Variants in BTBD9 observed in about 807,000 individuals in gnomAD.
The protein encoded by BTBD9 is BTB/POZ domain-containing protein 9.
BTBD9 carries 49 observed loss-of-function variants against 64.3 expected under a neutral mutation model. The observed-to-expected ratio is 0.76, with a 90% CI of 0.61 to 0.97. BTBD9 has a LOEUF of 0.97. Among genes scored for constraint, BTBD9 ranks in the 50% least tolerant of loss-of-function variants. The pLI is 0.00. For missense variants in BTBD9, 598 were observed against 762.1 expected (o/e 0.78, Z 2.53); for synonymous variants, 260 against 274.7 (o/e 0.95, Z 0.53).
intron 8 of BTBD9, among the ~76,000 whole-genome samples, chr6:38,266,678 G>GAAAGAAAGA (rs138593243): frequency 4.5e-5 from 6 of 133,012 alleles, no homozygotes; most frequent in Non-Finnish European, 7.9e-5. Context: ...AAGAAAGAAA[G>GAAAGAAAGA]AAGAAAAAGA....
intron 6 of BTBD9, among the ~76,000 whole-genome samples, chr6:38,450,937 CA>C (rs1466488514): frequency 1.3e-5 from 2 of 152,098 alleles, no homozygotes; most frequent in Non-Finnish European, 2.9e-5. Context: ...CTGGGCTGTC[CA>C]AATAGTTTCC....
chr6:38,511,339 CCTTT>C, intron 6 of BTBD9, among the ~76,000 whole-genome samples: 1 of 132,428 alleles, frequency 7.6e-6, no homozygotes, highest in African/African-American at 2.6e-5. Flanking sequence ...TTTGGAAATG[CCTTT>C]TTTTTTTTTT....
intron 6 of BTBD9, among the ~76,000 whole-genome samples, chr6:38,400,834 T>G (rs1447324642): frequency 6.6e-6 from 1 of 152,250 alleles, no homozygotes; most frequent in Non-Finnish European, 1.5e-5. Flanking sequence ...TGGTCTAGGT[T>G]AGGAATTCTC....
chr6:38,463,453 C>T (rs1770197261), intron 6 of BTBD9, among the ~76,000 whole-genome samples: 1 of 152,200 alleles, frequency 6.6e-6, no homozygotes, highest in South Asian at 2.1e-4. Flanking sequence ...CCAACATAGT[C>T]CTGACGTTAG....
At chr6:38,323,763 C>G (rs1400784094) in intron 7 of BTBD9, among the ~76,000 whole-genome samples, 1 of 152,156 alleles carries the variant, frequency 6.6e-6, no homozygotes, top group Non-Finnish European at 1.5e-5. Context: ...AAGAATCTCA[C>G]AAGCATGTGA....
chr6:38,519,306 T>C (rs1393258930), intron 6 of BTBD9, among the ~76,000 whole-genome samples: 1 of 152,220 alleles, frequency 6.6e-6, no homozygotes, highest in Non-Finnish European at 1.5e-5. Flanking sequence ...GTGCATTTCT[T>C]TGTAAATTTT....
At chr6:38,236,303 T>C (rs1332686173) in intron 9 of BTBD9, among the ~76,000 whole-genome samples, 1 of 152,166 alleles carries the variant, frequency 6.6e-6, no homozygotes, top group Non-Finnish European at 1.5e-5. Context: ...GAGCTCCCAT[T>C]TCCCACTTTA....
At chr6:38,347,747 A>G (rs566578668) in intron 6 of BTBD9, among the ~76,000 whole-genome samples, 2 of 152,288 alleles carry the variant, frequency 1.3e-5, no homozygotes, top group South Asian at 2.1e-4. Context: ...CTGTAATCCC[A>G]CCACATTGGG....
intron 9 of BTBD9, among the ~76,000 whole-genome samples, chr6:38,193,200 G>A (rs1296565851): frequency 2.6e-5 from 4 of 152,174 alleles, no homozygotes; most frequent in Admixed American, 6.5e-5. Context: ...CATCAGATGC[G>A]CATCTGAGCG....
chr6:38,526,892 A>G (rs1186501498), intron 6 of BTBD9, among the ~76,000 whole-genome samples: 1 of 152,144 alleles, frequency 6.6e-6, no homozygotes, highest in East Asian at 1.9e-4. Flanking sequence ...CTCAGATGAG[A>G]CTTTGGATTA....
intron 6 of BTBD9, among the ~76,000 whole-genome samples, chr6:38,374,316 T>TATATATATATATATATAC (rs1562095814): frequency 8.6e-5 from 10 of 116,326 alleles, no homozygotes; most frequent in African/African-American, 3.2e-4. Context: ...TGTATATATA[T>TATATATATATATATATAC]ATATATATAT....
chr6:38,328,371 T>C (rs1763521163), intron 7 of BTBD9, among the ~76,000 whole-genome samples: 1 of 152,066 alleles, frequency 6.6e-6, no homozygotes, highest in Non-Finnish European at 1.5e-5. Flanking sequence ...GATGTCCTTA[T>C]AAGAAGAGGA....
At chr6:38,451,797 T>C (rs1276337557) in intron 6 of BTBD9, among the ~76,000 whole-genome samples, 2 of 152,118 alleles carry the variant, frequency 1.3e-5, no homozygotes, top group Non-Finnish European at 2.9e-5. Context: ...AACCATCAAA[T>C]TTCTAATAAT....
chr6:38,331,853 T>C (rs1346653521), intron 7 of BTBD9, among the ~76,000 whole-genome samples: 1 of 152,148 alleles, frequency 6.6e-6, no homozygotes, highest in East Asian at 1.9e-4. Flanking sequence ...AGACCCTCTC[T>C]TGGAAAAAAA....
At chr6:38,462,548 A>G (rs1361806372) in intron 6 of BTBD9, among the ~76,000 whole-genome samples, 3 of 152,178 alleles carry the variant, frequency 2.0e-5, no homozygotes, top group Non-Finnish European at 4.4e-5. Context: ...GGTTTATAAT[A>G]TATCTTAAAG....
At chr6:38,449,528 C>G (rs546601124) in intron 6 of BTBD9, among the ~76,000 whole-genome samples, 34 of 139,168 alleles carry the variant, frequency 2.4e-4, no homozygotes, top group African/African-American at 8.0e-4. Flanking sequence ...AAAGGGCAGT[C>G]TCTTAAAAAA....
intron 6 of BTBD9, among the ~76,000 whole-genome samples, chr6:38,499,733 A>C (rs9470891): frequency 0.28 from 43,002 of 152,146 alleles, 6,454 homozygotes; most frequent in Non-Finnish European, 0.35. Context: ...AAAACACCAT[A>C]GATTATTTCC....
chr6:38,211,293 G>C (rs1351314722), intron 9 of BTBD9, among the ~76,000 whole-genome samples: 1 of 152,156 alleles, frequency 6.6e-6, no homozygotes, highest in Non-Finnish European at 1.5e-5. Context: ...GCCGGGCATG[G>C]TGGCGGGCGC....
intron 7 of BTBD9, among the ~76,000 whole-genome samples, chr6:38,300,719 G>C (rs909804100): frequency 6.6e-6 from 1 of 151,916 alleles, no homozygotes; most frequent in Non-Finnish European, 1.5e-5. Context: ...TGTATCCTGA[G>C]ACTTTGCTGA....
Sources: allele counts gnomAD v4.1 joint callset (sites outside exome capture counted in the v4.1 genomes callset), GRCh38; gene constraint gnomAD v4.1.1; transcripts MANE v1.5; gene names NCBI Gene and HGNC (gene_info 2026-07-23, HGNC 2026-07-21).